CTNND2: variants seen among roughly 807,000 people sequenced by gnomAD.
CTNND2 encodes catenin delta-2.
In CTNND2, 22 loss-of-function variants were observed where a neutral mutation model predicts 144.4. That is an observed-to-expected ratio of 0.15 (90% confidence interval 0.11 to 0.22). CTNND2 has a LOEUF of 0.22. CTNND2 is among the 10% of genes least tolerant of loss of function. CTNND2 has a pLI of 1.00. For synonymous variants in CTNND2, 751 were observed against 695.6 expected (o/e 1.08, Z -1.25); for missense variants, 1,353 against 1,618.8 (o/e 0.84, Z 2.82).
intron 13 of CTNND2, among the ~76,000 whole-genome samples, chr5:11,113,241 C>T (rs142660041): frequency 6.6e-6 from 1 of 152,304 alleles, no homozygotes; most frequent in Non-Finnish European, 1.5e-5. Flanking sequence ...TGAATAGTGT[C>T]TGCTCAAAAC....
At chr5:11,780,235 T>C (rs1790472438) in intron 1 of CTNND2, among the ~76,000 whole-genome samples, 1 of 152,176 alleles carries the variant, frequency 6.6e-6, no homozygotes, top group Admixed American at 6.5e-5. Context: ...CTCTGCTCTT[T>C]GCCACCCAAT....
At chr5:11,845,013 C>T (rs1794668173) in intron 1 of CTNND2, among the ~76,000 whole-genome samples, 1 of 151,970 alleles carries the variant, frequency 6.6e-6, no homozygotes, top group Admixed American at 6.6e-5. Context: ...AACTGGAGTC[C>T]CTTACTGTAT....
At chr5:11,181,137 G>C (rs947174676) in intron 11 of CTNND2, among the ~76,000 whole-genome samples, 6 of 152,168 alleles carry the variant, frequency 3.9e-5, no homozygotes, top group Non-Finnish European at 7.3e-5. Context: ...GCAGTGGCGG[G>C]GAGGGTGGAC....
chr5:11,206,238 G>A (rs1187328048), intron 10 of CTNND2, among the ~76,000 whole-genome samples: 1 of 152,176 alleles, frequency 6.6e-6, no homozygotes, highest in Non-Finnish European at 1.5e-5. Context: ...TGCTAACTGT[G>A]AGACGAGCAG....
At chr5:11,335,766 C>T (rs954950246) in intron 9 of CTNND2, among the ~76,000 whole-genome samples, 1 of 152,098 alleles carries the variant, frequency 6.6e-6, no homozygotes, top group Non-Finnish European at 1.5e-5. Flanking sequence ...TGCAAATTCC[C>T]ACTCCCTTTT....
intron 11 of CTNND2, among the ~76,000 whole-genome samples, chr5:11,162,147 C>A (rs1281580521): frequency 6.6e-6 from 1 of 152,006 alleles, no homozygotes; most frequent in African/African-American, 2.4e-5. Flanking sequence ...AGCAAGGTTC[C>A]ATCTCGGGAA....
At chr5:11,083,096 T>TTTCA (rs1454318653) in intron 15 of CTNND2, among the ~76,000 whole-genome samples, 1 of 152,332 alleles carries the variant, frequency 6.6e-6, no homozygotes, top group East Asian at 1.9e-4. Flanking sequence ...GTGACACTGT[T>TTTCA]TTCAGTACTT....
intron 9 of CTNND2, among the ~76,000 whole-genome samples, chr5:11,330,315 C>CAAA (rs1257414767): frequency 6.8e-4 from 56 of 82,324 alleles, no homozygotes; most frequent in African/African-American, 2.3e-3. Flanking sequence ...ACTAAAAATA[C>CAAA]AAAAAAAAAA....
chr5:10,986,758 G>A (rs1419462255), intron 20 of CTNND2: 1 of 446,418 alleles, frequency 2.2e-6, no homozygotes, highest in South Asian at 1.6e-5. Context: ...GCAGGGATAA[G>A]AAACATCCGT....
intron 16 of CTNND2, among the ~76,000 whole-genome samples, chr5:11,036,484 G>T (rs1305651677): frequency 6.6e-6 from 1 of 151,872 alleles, no homozygotes; most frequent in Non-Finnish European, 1.5e-5. Context: ...GCAATGGCAC[G>T]ATCTTGGCTC....
intron 6 of CTNND2, among the ~76,000 whole-genome samples, chr5:11,389,252 GA>G (rs1352664196): frequency 3.9e-5 from 6 of 152,192 alleles, no homozygotes; most frequent in African/African-American, 9.7e-5. Flanking sequence ...CAAGGAAGCA[GA>G]ATGTTCACAG....
At chr5:11,197,799 T>C (rs1173989089) in intron 11 of CTNND2, among the ~76,000 whole-genome samples, 1 of 152,198 alleles carries the variant, frequency 6.6e-6, no homozygotes, top group Non-Finnish European at 1.5e-5. Flanking sequence ...TTTTAAGCCA[T>C]CATTCATCTC....
At chr5:11,023,779 G>A (rs1305464037) in intron 16 of CTNND2, among the ~76,000 whole-genome samples, 1 of 152,116 alleles carries the variant, frequency 6.6e-6, no homozygotes, top group Non-Finnish European at 1.5e-5. Context: ...CAATGACAAA[G>A]GTACTTATAA....
intron 16 of CTNND2, among the ~76,000 whole-genome samples, chr5:11,079,076 T>C (rs1387866456): frequency 1.3e-5 from 2 of 150,612 alleles, no homozygotes; most frequent in African/African-American, 4.9e-5. Flanking sequence ...AAAAAGTGGC[T>C]GCTTCCCAGG....
chr5:11,796,555 T>C (rs1213683849), intron 1 of CTNND2, among the ~76,000 whole-genome samples: 1 of 152,228 alleles, frequency 6.6e-6, no homozygotes, highest in African/African-American at 2.4e-5. Flanking sequence ...TATCTCATCC[T>C]TTGTGCTGCT....
At chr5:11,589,282 A>ACACACACAC (rs1779083358) in intron 2 of CTNND2, among the ~76,000 whole-genome samples, 2 of 146,620 alleles carry the variant, frequency 1.4e-5, no homozygotes, top group Admixed American at 6.9e-5. Context: ...TTAACATTAA[A>ACACACACAC]ACACACACAC....
At chr5:11,766,775 G>A (rs1450283730) in intron 1 of CTNND2, among the ~76,000 whole-genome samples, 6 of 152,036 alleles carry the variant, frequency 3.9e-5, no homozygotes, top group Non-Finnish European at 2.9e-5. Flanking sequence ...ATAATAACAC[G>A]CTGTGAATTC....
intron 2 of CTNND2, among the ~76,000 whole-genome samples, chr5:11,610,573 A>C (rs903029863): frequency 1.3e-5 from 2 of 152,056 alleles, no homozygotes; most frequent in African/African-American, 4.8e-5. Flanking sequence ...CCAATAAGAC[A>C]CTCTCCTCCA....
intron 15 of CTNND2, among the ~76,000 whole-genome samples, chr5:11,093,664 C>T: frequency 6.6e-6 from 1 of 152,100 alleles, no homozygotes; most frequent in Non-Finnish European, 1.5e-5. Flanking sequence ...TTTACCTCTA[C>T]ATTTCTGTTT....
Sources: allele counts gnomAD v4.1 joint callset (sites outside exome capture counted in the v4.1 genomes callset), GRCh38; gene constraint gnomAD v4.1.1; transcripts MANE v1.5; gene names NCBI Gene and HGNC (gene_info 2026-07-23, HGNC 2026-07-21).